Variants in PRR16 observed in about 807,000 individuals in gnomAD.
PRR16 encodes the protein protein Largen.
PRR16 carries 6 observed loss-of-function variants against 18.2 expected under a neutral mutation model. That is an observed-to-expected ratio of 0.33 (90% CI 0.18 to 0.65). The LOEUF (loss-of-function observed/expected upper bound fraction) is 0.65. PRR16 is among the 30% of genes least tolerant of loss of function. The probability of loss-of-function intolerance (pLI) is 0.74; values close to 1 mark genes in which losing one functional copy is unlikely to be tolerated. For missense variants in PRR16, 412 were observed against 376.6 expected (o/e 1.09, Z -0.78); for synonymous variants, 151 against 147.8 (o/e 1.02, Z -0.16).
At chr5:120,692,288 C>T (rs1199073777), downstream of PRR16, among the ~76,000 whole-genome samples, 1 of 152,166 alleles carries the variant, frequency 6.6e-6, no homozygotes, top group Non-Finnish European at 1.5e-5. Context: ...ATCTCAAAAA[C>T]ATCTGAGTTC....
chr5:120,742,233 C>G, the PRR16 span, among the ~76,000 whole-genome samples: 5,681 of 146,200 alleles, frequency 0.039, 150 homozygotes, highest in Middle Eastern at 0.062. Context: ...TTTCTGTTGT[C>G]TGCTTTATTT....
intron 1 of PRR16, among the ~76,000 whole-genome samples, chr5:120,628,426 A>G (rs1194227148): frequency 6.6e-6 from 1 of 152,110 alleles, no homozygotes; most frequent in Admixed American, 6.6e-5. Context: ...TATGTGGGAT[A>G]ATGGATTCTG....
intron 1 of PRR16, among the ~76,000 whole-genome samples, chr5:120,582,245 C>T (rs1753296830): frequency 6.6e-6 from 1 of 151,674 alleles, no homozygotes; most frequent in South Asian, 2.1e-4. Context: ...TAAGTGGGAG[C>T]TAAAGAATGG....
chr5:120,521,051 G>A (rs1219096589), intron 1 of PRR16, among the ~76,000 whole-genome samples: 4 of 152,148 alleles, frequency 2.6e-5, no homozygotes, highest in Non-Finnish European at 5.9e-5. Context: ...ATTTGCGACG[G>A]TGGATACAGT....
At chr5:120,789,645 C>T in the PRR16 span, among the ~76,000 whole-genome samples, 1 of 151,942 alleles carries the variant, frequency 6.6e-6, no homozygotes, top group Non-Finnish European at 1.5e-5. Flanking sequence ...ACTTATTATA[C>T]TTAATGACAA....
At chr5:120,636,649 C>G (rs1755237329) in intron 1 of PRR16, among the ~76,000 whole-genome samples, 1 of 152,046 alleles carries the variant, frequency 6.6e-6, no homozygotes, top group East Asian at 1.9e-4. Flanking sequence ...AGATCAAAGA[C>G]TTAAGTCTAA....
At chr5:120,714,993 G>T in the PRR16 span, among the ~76,000 whole-genome samples, 16 of 152,082 alleles carry the variant, frequency 1.1e-4, no homozygotes, top group Admixed American at 9.8e-4. Flanking sequence ...TGTTGGTGGT[G>T]GGGGGTGAGG....
At position 120,491,734 on chromosome 5, in the gene PRR16, G is replaced by A. The variant is rs143160124; in HGVS notation, c.159+27089G>A. ...AATTTTTGTATTTTTATTAGAGACA[G>A]GGTTTCACCATGTTAGCCAGGGTGG... is the stretch of plus-strand genomic sequence containing the variant. On this transcript the variant is annotated intron_variant, in intron 1 of 1. Coordinates refer to ENST00000407149, the MANE Select transcript of PRR16 (RefSeq NM_001300783.2). 6.0e-3 allele frequency among the ~76,000 whole-genome samples: 908 copies of A among 152,174 alleles called. 11 individuals carry two copies. The highest frequency in any genetic ancestry group is 0.019 in the African/African-American group (806 of 41,512).
chr5:120,533,536 A>G (rs1281037810), intron 1 of PRR16, among the ~76,000 whole-genome samples: 1 of 152,182 alleles, frequency 6.6e-6, no homozygotes, highest in African/African-American at 2.4e-5. Flanking sequence ...TGTGGAAAAG[A>G]TGATACTTGA....
intron 1 of PRR16, among the ~76,000 whole-genome samples, chr5:120,483,279 C>A (rs1192043088): frequency 6.6e-6 from 1 of 152,058 alleles, no homozygotes; most frequent in African/African-American, 2.4e-5. Flanking sequence ...AGAACTGTAT[C>A]CCCAAGTGAA....
chr5:120,676,712 C>T (rs1022612373), intron 1 of PRR16, among the ~76,000 whole-genome samples: 2 of 151,928 alleles, frequency 1.3e-5, no homozygotes, highest in Non-Finnish European at 1.5e-5. Flanking sequence ...TGTAAGGAGT[C>T]GATTGGCCTC....
the PRR16 span, among the ~76,000 whole-genome samples, chr5:120,721,860 C>A: frequency 6.6e-6 from 1 of 151,934 alleles, no homozygotes. Context: ...GTTATAAAAT[C>A]TATAAAATAC....
intron 1 of PRR16, among the ~76,000 whole-genome samples, chr5:120,625,117 T>C (rs1357751410): frequency 6.6e-6 from 1 of 152,102 alleles, no homozygotes; most frequent in Non-Finnish European, 1.5e-5. Flanking sequence ...CATAATTACT[T>C]TTTACATTTT....
intron 1 of PRR16, among the ~76,000 whole-genome samples, chr5:120,648,261 T>C (rs966272415): frequency 1.3e-5 from 2 of 152,106 alleles, no homozygotes; most frequent in African/African-American, 4.8e-5. Context: ...ATTTATTGAG[T>C]GTCTTTAATA....
chr5:120,541,676 T>G (rs1474540981), intron 1 of PRR16, among the ~76,000 whole-genome samples: 2 of 152,120 alleles, frequency 1.3e-5, no homozygotes, highest in Non-Finnish European at 2.9e-5. Flanking sequence ...ATATTTAGAG[T>G]TTTATACTTT....
At chr5:120,529,249 T>A (rs951319098) in intron 1 of PRR16, among the ~76,000 whole-genome samples, 11 of 152,108 alleles carry the variant, frequency 7.2e-5, no homozygotes, top group South Asian at 2.1e-4. Context: ...CTGAATAAAA[T>A]AGCTTTAGAA....
At chr5:120,783,590 G>T in the PRR16 span, among the ~76,000 whole-genome samples, 1 of 151,952 alleles carries the variant, frequency 6.6e-6, no homozygotes, top group African/African-American at 2.4e-5. Flanking sequence ...TAATTTTTAT[G>T]AGTACATAAT....
At chr5:120,489,710 T>G (rs1176214541) in intron 1 of PRR16, among the ~76,000 whole-genome samples, 16 of 152,298 alleles carry the variant, frequency 1.1e-4, no homozygotes, top group African/African-American at 3.8e-4. Context: ...GTTAGCTGGT[T>G]AGTTTGCTCG....
the PRR16 span, among the ~76,000 whole-genome samples, chr5:120,753,651 A>C: frequency 6.6e-6 from 1 of 150,962 alleles, no homozygotes; most frequent in South Asian, 2.1e-4. Context: ...GAAACATTTT[A>C]GTTCTTACTA....
Sources: gnomAD v4.1 joint callset for allele counts (sites outside exome capture counted in the v4.1 genomes callset) on GRCh38, gnomAD v4.1.1 for gene constraint, MANE v1.5 for transcripts, NCBI Gene and HGNC (gene_info 2026-07-23, HGNC 2026-07-21) for gene names.